The following NAALADL2 variants were observed in gnomAD, a reference collection of about 807,000 sequenced individuals.
NAALADL2 encodes N-acetylated alpha-linked acidic dipeptidase like 2.
Under a neutral mutation model 87.2 loss-of-function variants are expected in NAALADL2, and 76 were observed. The observed-to-expected ratio is 0.87, with a 90% CI of 0.72 to 1.05. The LOEUF (loss-of-function observed/expected upper bound fraction) is 1.05. Ranked by LOEUF, NAALADL2 falls within the 50% of genes least tolerant of loss-of-function variation. NAALADL2 has a pLI of 0.00. For synonymous variants in NAALADL2, 354 were observed against 331.0 expected, an observed-to-expected ratio of 1.07 and a Z score of -0.75; for missense variants, 1,089 against 945.8, an observed-to-expected ratio of 1.15 and a Z score of -1.99.
intron 1 of NAALADL2, among the ~76,000 whole-genome samples, chr3:174,879,363 T>C (rs1728908753): frequency 6.6e-6 from 1 of 152,070 alleles, no homozygotes; most frequent in Non-Finnish European, 1.5e-5. Context: ...CACAATACTG[T>C]CTCCAAGTTA....
intron 10 of NAALADL2, among the ~76,000 whole-genome samples, chr3:175,579,014 G>A (rs1014510230): frequency 6.6e-6 from 1 of 152,040 alleles, no homozygotes; most frequent in African/African-American, 2.4e-5. Flanking sequence ...GCCCCTGTAG[G>A]GACTGAGCTC....
At chr3:174,653,328 T>G (rs547049247) in intron 2 of NAALADL2, among the ~76,000 whole-genome samples, 1 of 152,330 alleles carries the variant, frequency 6.6e-6, no homozygotes, top group African/African-American at 2.4e-5. Context: ...ATGCTATAAG[T>G]AATAAAAGTA....
chr3:174,868,670 C>G (rs972076135), intron 1 of NAALADL2, among the ~76,000 whole-genome samples: 1 of 152,044 alleles, frequency 6.6e-6, no homozygotes, highest in African/African-American at 2.4e-5. Flanking sequence ...TGATTTCTTG[C>G]TTGGATGACA....
chr3:175,111,544 T>G (rs1198540388), intron 2 of NAALADL2, among the ~76,000 whole-genome samples: 1 of 151,714 alleles, frequency 6.6e-6, no homozygotes, highest in Non-Finnish European at 1.5e-5. Flanking sequence ...ACGATCTTTT[T>G]CAGATAGCTA....
At chr3:175,577,966 G>A (rs1212392862) in intron 10 of NAALADL2, among the ~76,000 whole-genome samples, 1 of 152,206 alleles carries the variant, frequency 6.6e-6, no homozygotes, top group East Asian at 1.9e-4. Flanking sequence ...AAGCAGGTAA[G>A]GAAATTAGAG....
intron 11 of NAALADL2, among the ~76,000 whole-genome samples, chr3:175,706,677 C>A (rs1007493087): frequency 6.6e-6 from 1 of 152,116 alleles, no homozygotes; most frequent in Admixed American, 6.6e-5. Context: ...TGTTTGTTGA[C>A]CAACCTAAAT....
chr3:175,543,641 A>G (rs1194378568), intron 9 of NAALADL2, among the ~76,000 whole-genome samples: 1 of 152,100 alleles, frequency 6.6e-6, no homozygotes, highest in Non-Finnish European at 1.5e-5. Flanking sequence ...AGATTTCATG[A>G]GAACTCACTT....
intron 3 of NAALADL2, among the ~76,000 whole-genome samples, chr3:175,245,539 G>A (rs1747816597): frequency 6.6e-6 from 1 of 152,158 alleles, no homozygotes; most frequent in Non-Finnish European, 1.5e-5. Context: ...AACAACTACT[G>A]TATGCCAAGG....
At chr3:174,977,856 T>C (rs1328512077) in intron 1 of NAALADL2, among the ~76,000 whole-genome samples, 1 of 152,174 alleles carries the variant, frequency 6.6e-6, no homozygotes, top group Admixed American at 6.5e-5. Context: ...CAGAAAACTG[T>C]CCTGGGGACT....
intron 2 of NAALADL2, among the ~76,000 whole-genome samples, chr3:175,098,846 A>G (rs574496517): frequency 6.9e-4 from 105 of 152,112 alleles, no homozygotes; most frequent in Non-Finnish European, 1.3e-3. Flanking sequence ...TCTTCTGGAA[A>G]AGGATCCATA....
At chr3:175,132,901 G>C (rs183067033) in intron 2 of NAALADL2, among the ~76,000 whole-genome samples, 1 of 150,706 alleles carries the variant, frequency 6.6e-6, no homozygotes, top group South Asian at 2.1e-4. Flanking sequence ...GGCGGCTGCC[G>C]GGCGGAGGGA....
intron 13 of NAALADL2, among the ~76,000 whole-genome samples, chr3:175,796,067 G>A (rs1300520177): frequency 2.0e-5 from 3 of 147,600 alleles, no homozygotes; most frequent in Non-Finnish European, 4.5e-5. Context: ...GTTTGGCAGG[G>A]AGGGAGGGAG....
At chr3:174,958,174 C>G (rs1741432017) in intron 1 of NAALADL2, among the ~76,000 whole-genome samples, 1 of 149,562 alleles carries the variant, frequency 6.7e-6, no homozygotes, top group African/African-American at 2.5e-5. Context: ...ATTATAATTA[C>G]TTATTTACAA....
chr3:174,446,067 A>C (rs1042960765), intron 1 of NAALADL2, among the ~76,000 whole-genome samples: 2 of 152,170 alleles, frequency 1.3e-5, no homozygotes, highest in Admixed American at 1.3e-4. Flanking sequence ...TCAGATAAGA[A>C]AGGTGATTTA....
intron 3 of NAALADL2, among the ~76,000 whole-genome samples, chr3:174,842,183 C>T (rs1039671107): frequency 1.3e-5 from 2 of 151,892 alleles, no homozygotes; most frequent in African/African-American, 4.8e-5. Flanking sequence ...TCCTGAATAG[C>T]TGGGATTACA....
At chr3:175,143,448 T>C (rs1218881079) in intron 2 of NAALADL2, among the ~76,000 whole-genome samples, 19 of 151,086 alleles carry the variant, frequency 1.3e-4, no homozygotes, top group African/African-American at 4.4e-4. Flanking sequence ...CTAACTCTCC[T>C]CTATACCAAC....
At chr3:174,689,706 A>G (rs888484328) in intron 2 of NAALADL2, among the ~76,000 whole-genome samples, 7 of 152,034 alleles carry the variant, frequency 4.6e-5, no homozygotes, top group African/African-American at 1.2e-4. Flanking sequence ...GATGCCCTCT[A>G]GAAGGCCCAG....
At chr3:174,696,364 G>C (rs1040216022) in intron 2 of NAALADL2, among the ~76,000 whole-genome samples, 2 of 151,730 alleles carry the variant, frequency 1.3e-5, no homozygotes, top group African/African-American at 4.8e-5. Context: ...ATAGCATCTG[G>C]GTGTCTATTG....
intron 9 of NAALADL2, among the ~76,000 whole-genome samples, chr3:175,494,386 A>G (rs1022748514): frequency 5.3e-5 from 8 of 152,126 alleles, no homozygotes; most frequent in African/African-American, 1.9e-4. Context: ...TATTTTTAGG[A>G]ATTTAACACT....
Sources: gnomAD v4.1 joint callset for allele counts (sites outside exome capture counted in the v4.1 genomes callset) on GRCh38, gnomAD v4.1.1 for gene constraint, MANE v1.5 for transcripts, NCBI Gene and HGNC (gene_info 2026-07-23, HGNC 2026-07-21) for gene names.